TTLL5: variants seen among roughly 807,000 people sequenced by gnomAD.
TTLL5 encodes the protein tubulin tyrosine ligase like 5, also known as tubulin polyglutamylase TTLL5.
In TTLL5, 132 loss-of-function variants were observed where a neutral mutation model predicts 168.4. That is an observed-to-expected ratio of 0.78 (90% CI 0.68 to 0.91). The LOEUF (loss-of-function observed/expected upper bound fraction) is 0.91, where lower values mean the gene tolerates loss of function less well. Among genes scored for constraint, TTLL5 ranks in the 40% least tolerant of loss-of-function variants. The pLI is 0.00. For synonymous variants in TTLL5, 546 were observed against 558.6 expected, an observed-to-expected ratio of 0.98 and a Z score of 0.32; for missense variants, 1,545 against 1,581.5, an observed-to-expected ratio of 0.98 and a Z score of 0.39.
At chr14:75,852,173 A>T (rs1896892145) in intron 28 of TTLL5, among the ~76,000 whole-genome samples, 1 of 152,184 alleles carries the variant, frequency 6.6e-6, no homozygotes, top group Non-Finnish European at 1.5e-5. Context: ...TCTCAGCCTT[A>T]GTCACTGCAT....
intron 27 of TTLL5, among the ~76,000 whole-genome samples, chr14:75,811,153 A>AAGAGAGAG (rs759610326): frequency 2.5e-4 from 29 of 118,092 alleles, no homozygotes; most frequent in African/African-American, 4.0e-4. Context: ...GAATGAAAGA[A>AAGAGAGAG]AGAGTGTGTG....
intron 17 of TTLL5, among the ~76,000 whole-genome samples, chr14:75,749,280 C>T (rs966163537): frequency 3.3e-5 from 5 of 151,992 alleles, no homozygotes; most frequent in Admixed American, 3.3e-4. Flanking sequence ...GTATCTTTTT[C>T]TATGGAATCA....
chr14:75,746,058 T>C (rs1407213737), intron 17 of TTLL5, among the ~76,000 whole-genome samples: 2 of 152,178 alleles, frequency 1.3e-5, no homozygotes, highest in Admixed American at 6.5e-5. Flanking sequence ...TAGCCCTCTT[T>C]ATCCCCTTTT....
At chr14:75,739,910 T>G (rs569537768) in intron 15 of TTLL5, among the ~76,000 whole-genome samples, 19 of 152,368 alleles carry the variant, frequency 1.2e-4, no homozygotes, top group Non-Finnish European at 1.9e-4. Flanking sequence ...GATATTCACC[T>G]GTTTGTAGTC....
chr14:75,906,476 A>G, intron 31 of TTLL5: 1 of 961,640 alleles, frequency 1.0e-6, no homozygotes, highest in Non-Finnish European at 1.2e-6. Context: ...CCCTTAACCT[A>G]GTTTCAGATT....
intron 3 of TTLL5, among the ~76,000 whole-genome samples, chr14:75,670,392 G>A (rs753227619): frequency 2.2e-4 from 34 of 151,854 alleles, no homozygotes; most frequent in African/African-American, 8.0e-4. Flanking sequence ...GAATGTTCAC[G>A]GAAAAGTCGT....
intron 28 of TTLL5, among the ~76,000 whole-genome samples, chr14:75,845,204 G>GT (rs947172787): frequency 1.3e-5 from 2 of 151,926 alleles, no homozygotes; most frequent in Non-Finnish European, 1.5e-5. Context: ...AGTAGCAGGA[G>GT]TTTTTTTTCT....
intron 27 of TTLL5, among the ~76,000 whole-genome samples, chr14:75,807,217 G>A (rs1893709526): frequency 6.6e-6 from 1 of 152,172 alleles, no homozygotes; most frequent in African/African-American, 2.4e-5. Context: ...GGAGGCCGAG[G>A]TGGGTGGATC....
chr14:75,775,412 C>T, intron 21 of TTLL5, 72 bp from the exon 22 acceptor site: 1 of 1,545,672 alleles, frequency 6.5e-7, no homozygotes, highest in Non-Finnish European at 8.8e-7. Flanking sequence ...TATATAATGC[C>T]TTCATAGCTT....
chr14:75,826,858 GCTTACCTAGTATTGACT>G (rs1895177321), intron 28 of TTLL5, among the ~76,000 whole-genome samples: 1 of 152,096 alleles, frequency 6.6e-6, no homozygotes, highest in Non-Finnish European at 1.5e-5. Flanking sequence ...CATATTTAAA[GCTTACCTAGTATTGACT>G]CAACAAATTT....
At chr14:75,828,654 A>C (rs1566621787) in intron 28 of TTLL5, among the ~76,000 whole-genome samples, 1 of 152,206 alleles carries the variant, frequency 6.6e-6, no homozygotes, top group African/African-American at 2.4e-5. Flanking sequence ...TCAACTGTAC[A>C]TTCTTTTGAA....
At chr14:75,922,366 G>A (rs1489448065) in intron 31 of TTLL5, among the ~76,000 whole-genome samples, 1 of 152,122 alleles carries the variant, frequency 6.6e-6, no homozygotes, top group Non-Finnish European at 1.5e-5. Context: ...TTGGCTGTGG[G>A]TTTGTCATAA....
Position 75,720,679 on chromosome 14 carries a change from G to A in TTLL5, c.1018G>A (p.Val340Ile). 1 of 1,613,574 alleles carries A rather than the reference G, an allele frequency of 6.2e-7. No individual in the cohort carries two copies. Among genetic ancestry groups the A allele is most frequent in the African/African-American group, 1.3e-5 (1 of 75,000 alleles). ...TATTGCTACTGCCTGTAAAACCTTT[G>A]TTCCTCATCGCAGCAGTTGTTTTGG... ...LAIATACKTF[V>I]PHRSSCFELY... The change falls in exon 12 of 32, where the codon GTT becomes ATT. Residue 340 changes from valine (V) to isoleucine (I), a missense_variant. By Grantham distance (29) the Val-to-Ile change is conservative. Transcript: ENST00000298832.
intron 6 of TTLL5, among the ~76,000 whole-genome samples, chr14:75,696,756 A>C (rs575128851): frequency 5.9e-5 from 9 of 152,314 alleles, no homozygotes; most frequent in African/African-American, 2.2e-4. Flanking sequence ...AGTTTTTTAC[A>C]TACCCTCTAG....
intron 30 of TTLL5, among the ~76,000 whole-genome samples, chr14:75,901,357 A>G (rs2032913527): frequency 1.3e-5 from 2 of 152,188 alleles, no homozygotes; most frequent in African/African-American, 4.8e-5. Flanking sequence ...CGCCTTTAAC[A>G]GGGAGGCTTG....
Position 75,792,923 on chromosome 14 carries a change from C to T in TTLL5, c.2994C>T (p.Cys998=), listed in dbSNP as rs1321057474. The change falls in exon 27 of 32, where the codon TGC becomes TGT. Residue 998 remains cysteine, a synonymous_variant. Coordinates refer to ENST00000298832, the MANE Select transcript of TTLL5 (RefSeq NM_015072.5). The stretch of plus-strand genomic sequence containing the variant: ...TTTTCTCCGTTTTAGCAGGATCGTG[C>T]TATCTAAACAAGCATCATTCAGGAA... ...SRPSSAKAGS[C]YLNKHHSGIA... 3 of 1,597,432 alleles carry T rather than the reference C, an allele frequency of 1.9e-6. No homozygotes were observed. Among genetic ancestry groups the T allele is most frequent in the Admixed American group, 1.7e-5 (1 of 59,178 alleles).
At chr14:75,914,752 T>TA (rs2033549256) in intron 31 of TTLL5, among the ~76,000 whole-genome samples, 1 of 151,766 alleles carries the variant, frequency 6.6e-6, no homozygotes, top group Middle Eastern at 3.2e-3. Flanking sequence ...GCCTCCTGAG[T>TA]AGCTGGGACT....
At chr14:75,737,461 C>A in intron 15 of TTLL5, 1 of 1,199,556 alleles carries the variant, frequency 8.3e-7, no homozygotes, top group Non-Finnish European at 1.1e-6. Flanking sequence ...TTGGTTTCTG[C>A]TTGGAGATTA....
intron 31 of TTLL5, among the ~76,000 whole-genome samples, chr14:75,925,266 T>TG (rs1279204052): frequency 2.1e-5 from 3 of 145,962 alleles, no homozygotes; most frequent in Admixed American, 6.7e-5. Context: ...ACGGGGTGGC[T>TG]GCCGGGCGGA....
Sources: allele counts gnomAD v4.1 joint callset (sites outside exome capture counted in the v4.1 genomes callset), GRCh38; gene constraint gnomAD v4.1.1; transcripts MANE v1.5; gene names NCBI Gene and HGNC (gene_info 2026-07-23, HGNC 2026-07-21).